The following ASIC2 variants were observed in gnomAD, a reference collection of about 807,000 sequenced individuals.
ASIC2 encodes acid sensing ion channel subunit 2.
ASIC2 carries 25 observed loss-of-function variants against 57.3 expected under a neutral mutation model. That is an observed-to-expected ratio of 0.44 (90% CI 0.32 to 0.61). The LOEUF is 0.61. Among genes scored for constraint, ASIC2 ranks in the 20% least tolerant of loss-of-function variants. The pLI is 0.06. For synonymous variants in ASIC2, 319 were observed against 307.5 expected, an observed-to-expected ratio of 1.04 and a Z score of -0.39; for missense variants, 641 against 738.1, an observed-to-expected ratio of 0.87 and a Z score of 1.52.
At chr17:34,117,453 C>G (rs973246920) in intron 1 of ASIC2, among the ~76,000 whole-genome samples, 1 of 152,056 alleles carries the variant, frequency 6.6e-6, no homozygotes, top group African/African-American at 2.4e-5. Flanking sequence ...GAGAGAATAG[C>G]CTGTGAAAGA....
intron 1 of ASIC2, among the ~76,000 whole-genome samples, chr17:33,576,406 G>C (rs1210498634): frequency 6.6e-6 from 1 of 152,204 alleles, no homozygotes; most frequent in South Asian, 2.1e-4. Flanking sequence ...CCCCTAGTAT[G>C]TTGCCTAGCA....
chr17:33,429,281 CAAAT>C (rs1403574005), intron 1 of ASIC2, among the ~76,000 whole-genome samples: 2 of 152,094 alleles, frequency 1.3e-5, no homozygotes, highest in African/African-American at 2.4e-5. Flanking sequence ...TTAGTAGAGA[CAAAT>C]AAGAGATAAG....
chr17:33,315,588 A>T (rs1173160427), intron 1 of ASIC2, among the ~76,000 whole-genome samples: 2 of 152,234 alleles, frequency 1.3e-5, no homozygotes, highest in African/African-American at 4.8e-5. Flanking sequence ...AGAATGGGTT[A>T]AATGATTCTC....
At chr17:33,498,437 G>T (rs986838255) in intron 1 of ASIC2, among the ~76,000 whole-genome samples, 12 of 152,250 alleles carry the variant, frequency 7.9e-5, no homozygotes, top group African/African-American at 2.9e-4. Flanking sequence ...GGGTGAGTGA[G>T]TGTTATGCCC....
chr17:33,979,000 A>G (rs1050746964), intron 1 of ASIC2, among the ~76,000 whole-genome samples: 8 of 152,168 alleles, frequency 5.3e-5, no homozygotes, highest in African/African-American at 1.9e-4. Flanking sequence ...GACAGATCCA[A>G]CCAGAGTCAG....
chr17:33,402,078 T>G (rs1910305061), intron 1 of ASIC2, among the ~76,000 whole-genome samples: 2 of 152,144 alleles, frequency 1.3e-5, no homozygotes, highest in Non-Finnish European at 2.9e-5. Context: ...CTCCTTTGGA[T>G]GTTTGACTCC....
At chr17:33,873,927 T>C (rs1406267813) in intron 1 of ASIC2, among the ~76,000 whole-genome samples, 1 of 152,178 alleles carries the variant, frequency 6.6e-6, no homozygotes, top group East Asian at 1.9e-4. Context: ...CTGAAACCTA[T>C]GTCATAGCCA....
At chr17:33,863,446 C>T (rs1326010021) in intron 1 of ASIC2, among the ~76,000 whole-genome samples, 1 of 152,162 alleles carries the variant, frequency 6.6e-6, no homozygotes, top group South Asian at 2.1e-4. Context: ...GAGCACTGGA[C>T]AGAAAAGCTA....
intron 1 of ASIC2, among the ~76,000 whole-genome samples, chr17:33,928,997 G>A (rs945784111): frequency 2.0e-5 from 3 of 151,954 alleles, no homozygotes; most frequent in African/African-American, 7.3e-5. Context: ...TTCTTTCTTG[G>A]CATCTTTATC....
chr17:33,366,134 G>A (rs1054597912), intron 1 of ASIC2, among the ~76,000 whole-genome samples: 2 of 152,230 alleles, frequency 1.3e-5, no homozygotes, highest in Admixed American at 6.5e-5. Flanking sequence ...GGGACAAAAG[G>A]CCAGCAGTGG....
At chr17:34,009,114 T>G (rs1906627241) in intron 1 of ASIC2, among the ~76,000 whole-genome samples, 2 of 152,166 alleles carry the variant, frequency 1.3e-5, no homozygotes, top group Admixed American at 1.3e-4. Context: ...GTAATCCTGT[T>G]TTATCATTTC....
At chr17:33,254,334 T>A (rs901379463) in intron 1 of ASIC2, among the ~76,000 whole-genome samples, 2 of 152,370 alleles carry the variant, frequency 1.3e-5, no homozygotes, top group Non-Finnish European at 2.9e-5. Flanking sequence ...AATGTGATCA[T>A]CTTAAAATGT....
At chr17:34,110,176 C>G (rs934248465) in intron 1 of ASIC2, among the ~76,000 whole-genome samples, 6 of 152,162 alleles carry the variant, frequency 3.9e-5, no homozygotes, top group African/African-American at 9.7e-5. Flanking sequence ...AGGAGATGCT[C>G]TGAGAAGAGA....
intron 1 of ASIC2, among the ~76,000 whole-genome samples, chr17:33,873,929 T>C (rs1914485762): frequency 6.6e-6 from 1 of 152,208 alleles, no homozygotes; most frequent in South Asian, 2.1e-4. Flanking sequence ...GAAACCTATG[T>C]CATAGCCAGG....
intron 1 of ASIC2, among the ~76,000 whole-genome samples, chr17:33,144,645 T>C (rs997137995): frequency 1.3e-5 from 2 of 152,100 alleles, no homozygotes; most frequent in Non-Finnish European, 2.9e-5. Context: ...GGGTGACCGA[T>C]GCATAATTCC....
chr17:33,498,599 C>A (rs1360757959), intron 1 of ASIC2, among the ~76,000 whole-genome samples: 1 of 143,110 alleles, frequency 7.0e-6, no homozygotes, highest in Non-Finnish European at 1.6e-5. Context: ...CTTGAATGCA[C>A]GGAGCTGCTC....
intron 1 of ASIC2, among the ~76,000 whole-genome samples, chr17:33,742,235 G>A (rs1317831703): frequency 1.3e-5 from 2 of 152,152 alleles, no homozygotes; most frequent in East Asian, 3.8e-4. Context: ...TTTGTTTCCA[G>A]TGCTCCAGCC....
chr17:33,797,537 G>C (rs956867762), intron 1 of ASIC2, among the ~76,000 whole-genome samples: 9 of 152,266 alleles, frequency 5.9e-5, no homozygotes, highest in African/African-American at 2.2e-4. Context: ...GTCTAATTTT[G>C]TTGGTCCATG....
chr17:33,024,732 C>T (rs1598239497), intron 5 of ASIC2, among the ~76,000 whole-genome samples: 1 of 152,184 alleles, frequency 6.6e-6, no homozygotes, highest in South Asian at 2.1e-4. Context: ...GAATCCCCCA[C>T]CCTTGATATC....
Sources: gnomAD v4.1 joint callset for allele counts (sites outside exome capture counted in the v4.1 genomes callset) on GRCh38, gnomAD v4.1.1 for gene constraint, MANE v1.5 for transcripts, NCBI Gene and HGNC (gene_info 2026-07-23, HGNC 2026-07-21) for gene names.